CLINT1: variants seen among roughly 807,000 people sequenced by gnomAD.
The protein encoded by CLINT1 is clathrin interacting protein localized in the trans-Golgi region.
Under a neutral mutation model 70.4 loss-of-function variants are expected in CLINT1, and 15 were observed. The observed-to-expected ratio is 0.21, with a 90% confidence interval of 0.14 to 0.33. The LOEUF (loss-of-function observed/expected upper bound fraction) is 0.33. Among genes scored for constraint, CLINT1 ranks in the 10% least tolerant of loss-of-function variants. The probability of loss-of-function intolerance (pLI) is 1.00; values close to 1 mark genes in which losing one functional copy is unlikely to be tolerated. For missense variants in CLINT1, 615 were observed against 778.1 expected, an observed-to-expected ratio of 0.79 and a Z score of 2.49; for synonymous variants, 227 against 254.7, an observed-to-expected ratio of 0.89 and a Z score of 1.04.
Position 157,859,139 on chromosome 5 carries a change from G to A in CLINT1, c.-169C>T, listed in dbSNP as rs1287254925. The stretch of plus-strand genomic sequence containing the variant: ...GCAGCGGCGCCGCCGGTGACACGTC[G>A]AGACGCGGCAGCACAGGCGCTGCGT... On this transcript the variant is annotated 5_prime_UTR_variant, in exon 1 of 12. Transcript: ENST00000411809. The A allele has an allele frequency of 3.2e-6, 2 of 621,770 alleles. No individual in the cohort carries two copies. Among genetic ancestry groups the A allele is most frequent in the Non-Finnish European group, 5.3e-6 (2 of 374,284 alleles). The allele number at this position is 621,770 out of a possible 1,614,324, so 38.5% of individuals were successfully genotyped here.
intron 1 of CLINT1, among the ~76,000 whole-genome samples, chr5:157,829,702 T>G (rs1763161224): frequency 2.0e-5 from 3 of 149,376 alleles, no homozygotes; most frequent in Admixed American, 2.0e-4. Context: ...TTTTTTTTTT[T>G]TTTTTTTTTT....
intron 1 of CLINT1, among the ~76,000 whole-genome samples, chr5:157,844,077 A>G (rs1753287183): frequency 6.6e-6 from 1 of 152,154 alleles, no homozygotes; most frequent in African/African-American, 2.4e-5. Flanking sequence ...TTCTGTTTAA[A>G]TTAAGTAGGC....
intron 11 of CLINT1, 124 bp from the exon 12 acceptor site, chr5:157,788,116 G>C: frequency 1.3e-6 from 1 of 796,876 alleles, no homozygotes; most frequent in Non-Finnish European, 2.1e-6. Context: ...TTCCTTTACA[G>C]TGATTTTATT....
At chr5:157,824,466 C>T (rs1762971687) in intron 1 of CLINT1, among the ~76,000 whole-genome samples, 1 of 152,076 alleles carries the variant, frequency 6.6e-6, no homozygotes, top group South Asian at 2.1e-4. Flanking sequence ...CTCATTCGTC[C>T]ACATGGTGGG....
chr5:157,840,461 T>C (rs1282635068), intron 1 of CLINT1, among the ~76,000 whole-genome samples: 1 of 151,996 alleles, frequency 6.6e-6, no homozygotes. Context: ...TTAACTACAC[T>C]GTGGCTATCT....
chr5:157,796,111 G>A (rs377171737), intron 8 of CLINT1: 3 of 152,234 alleles, frequency 2.0e-5, no homozygotes, highest in South Asian at 2.1e-4. Context: ...TTTGGTGGAC[G>A]GGTTTTCCCC....
At chr5:157,797,707 TATTC>T (rs1762107408) in intron 8 of CLINT1, among the ~76,000 whole-genome samples, 1 of 152,180 alleles carries the variant, frequency 6.6e-6, no homozygotes, top group African/African-American at 2.4e-5. Context: ...TTTCAAATCT[TATTC>T]AGTCTAGGCT....
chr5:157,809,465 C>T (rs1028653520), intron 6 of CLINT1, among the ~76,000 whole-genome samples, 163 bp downstream of exon 6: 1 of 146,210 alleles, frequency 6.8e-6, no homozygotes, highest in Non-Finnish European at 1.5e-5. Context: ...TTTCTGTGAG[C>T]TTAAATTGCT....
At chr5:157,858,877 C>CCCCCCCCCCCCCCCCCCCCCCA in intron 1 of CLINT1, 53 bp downstream of exon 1, 1 of 609,172 alleles carries the variant, frequency 1.6e-6, no homozygotes, top group South Asian at 1.7e-5. Flanking sequence ...CTCCTTCTCC[C>CCCCCCCCCCCCCCCCCCCCCCA]CCTCCCCCCT....
At chr5:157,801,431 C>T (rs1198792320) in intron 8 of CLINT1, among the ~76,000 whole-genome samples, 4 of 151,874 alleles carry the variant, frequency 2.6e-5, no homozygotes, top group African/African-American at 7.3e-5. Flanking sequence ...CGCTTGAACC[C>T]GGGAGGCAGA....
chr5:157,840,249 T>C (rs1036396040), intron 1 of CLINT1, among the ~76,000 whole-genome samples: 2 of 141,880 alleles, frequency 1.4e-5, no homozygotes, highest in African/African-American at 5.3e-5. Flanking sequence ...AATAGTCTAT[T>C]TAAAAAAAAA....
chr5:157,817,663 T>C, intron 1 of CLINT1, 116 bp from the exon 2 acceptor site: 1 of 634,884 alleles, frequency 1.6e-6, no homozygotes, highest in Non-Finnish European at 2.8e-6. Context: ...CTCTACAGGA[T>C]GGGAGAGAAA....
intron 5 of CLINT1, among the ~76,000 whole-genome samples, chr5:157,810,848 G>A (rs1466660318): frequency 6.6e-6 from 1 of 152,182 alleles, no homozygotes; most frequent in Non-Finnish European, 1.5e-5. Context: ...TTTGTTTACA[G>A]GATCTAAAAG....
intron 2 of CLINT1, among the ~76,000 whole-genome samples, chr5:157,817,063 A>T (rs577538084): frequency 6.6e-6 from 1 of 152,312 alleles, no homozygotes; most frequent in Admixed American, 6.5e-5. Flanking sequence ...ATAATTAATT[A>T]AATTAATTAA....
chr5:157,854,601 T>C (rs1262641974), intron 1 of CLINT1, among the ~76,000 whole-genome samples: 2 of 152,168 alleles, frequency 1.3e-5, no homozygotes, highest in Non-Finnish European at 2.9e-5. Flanking sequence ...CCTGTTAAAA[T>C]AAATGAATAT....
At chr5:157,855,439 T>C (rs940310284) in intron 1 of CLINT1, among the ~76,000 whole-genome samples, 1 of 152,162 alleles carries the variant, frequency 6.6e-6, no homozygotes, top group Non-Finnish European at 1.5e-5. Context: ...TGCTCCTAGT[T>C]GGTGGGAATG....
intron 8 of CLINT1, among the ~76,000 whole-genome samples, chr5:157,799,472 A>T (rs757301417): frequency 1.3e-5 from 2 of 152,104 alleles, no homozygotes; most frequent in Non-Finnish European, 2.9e-5. Context: ...ATATATTGCA[A>T]GTCATTTAAG....
chr5:157,787,039 A>G lies in CLINT1; in HGVS notation c.*607T>C, dbSNP rs1405613933. 1 of 152,720 alleles carries G rather than the reference A, an allele frequency of 6.5e-6. No homozygotes were observed. Among genetic ancestry groups the G allele is most frequent in the Non-Finnish European group, 1.5e-5 (1 of 68,094 alleles). 9.5% of individuals were successfully genotyped at this position (152,720 alleles called of 1,614,324 possible). On this transcript the variant is annotated 3_prime_UTR_variant, in exon 12 of 12. Transcript: ENST00000411809. ...TGCTTAAAGAGGTTTTGTTACAATA[A>G]AAATTTGGATAGTATAATAGCAGTG...
At position 157,803,530 on chromosome 5, in the gene CLINT1, A is replaced by C. The variant is rs960846090; in HGVS notation, c.1012+120T>G. The stretch of plus-strand genomic sequence containing the variant: ...TTCCAAATAATGCTCAAGACTCACT[A>C]ATTTCATATAAAAAATGAACCCAAT... On this transcript the variant is annotated intron_variant, in intron 8 of 11. Coordinates refer to ENST00000411809, the MANE Select transcript of CLINT1 (RefSeq NM_014666.4). 9 of 603,446 alleles carry C rather than the reference A, an allele frequency of 1.5e-5. No individual in the cohort carries two copies. In the African/African-American group the frequency reaches 1.7e-4, roughly 11 times the overall value. 37.4% of individuals were successfully genotyped at this position (603,446 alleles called of 1,614,324 possible). A position where few individuals can be genotyped will look rare whatever the true frequency, so the allele number is the denominator to read the frequency against.
Sources: gnomAD v4.1 joint callset for allele counts (sites outside exome capture counted in the v4.1 genomes callset) on GRCh38, gnomAD v4.1.1 for gene constraint, MANE v1.5 for transcripts, NCBI Gene and HGNC (gene_info 2026-07-23, HGNC 2026-07-21) for gene names.